ARID4A: variants seen among roughly 807,000 people sequenced by gnomAD.
ARID4A encodes AT-rich interactive domain-containing protein 4A.
Under a neutral mutation model 148.6 loss-of-function variants are expected in ARID4A, and 39 were observed. The observed-to-expected ratio is 0.26, with a 90% CI of 0.20 to 0.34. The LOEUF (loss-of-function observed/expected upper bound fraction) is 0.34, where lower values mean the gene tolerates loss of function less well. Among genes scored for constraint, ARID4A ranks in the 10% least tolerant of loss-of-function variants. The probability of loss-of-function intolerance (pLI) is 1.00; values close to 1 mark genes in which losing one functional copy is unlikely to be tolerated. For missense variants in ARID4A, 1,265 were observed against 1,449.1 expected (o/e 0.87, Z 2.06); for synonymous variants, 475 against 481.2 (o/e 0.99, Z 0.17).
intron 11 of ARID4A, among the ~76,000 whole-genome samples, chr14:58,343,249 T>G (rs928125437): frequency 2.0e-5 from 3 of 152,246 alleles, no homozygotes; most frequent in African/African-American, 7.2e-5. Flanking sequence ...CTGATTTTGG[T>G]TAGAACTTAT....
rs769455560 is a variant in ARID4A, at chr14:58,364,784, A to G, written c.2695A>G (p.Asn899Asp). The G allele has an allele frequency of 6.2e-7, 1 of 1,614,164 alleles. No homozygotes were observed. The highest frequency in any genetic ancestry group is 1.1e-5 in the South Asian group (1 of 91,078). The stretch of plus-strand genomic sequence containing the variant: ...TGGATCTGAGGGAATGAAAAACTTA[A>G]ATTTTGAACAGCACTTTGAAAGAGA... ...CIGSEGMKNL[N>D]FEQHFERENE... The change falls in exon 20 of 24, where the codon AAT becomes GAT. Residue 899 changes from asparagine to aspartate, a missense_variant. By Grantham distance (23) the Asn-to-Asp change is conservative (BLOSUM62 1). Around this residue, in one of 9 missense-constraint regions of ARID4A, gnomAD observed 666 missense variants for 730.9 expected, o/e 0.91. Coordinates refer to ENST00000355431, the MANE Select transcript of ARID4A (RefSeq NM_002892.4).
At chr14:58,344,657 T>G (rs1213570516) in intron 11 of ARID4A, 38 bp from the exon 12 acceptor site, 4 of 1,408,894 alleles carry the variant, frequency 2.8e-6, no homozygotes, top group Middle Eastern at 1.9e-4. Flanking sequence ...TCTTTTCCAG[T>G]TCACTGTGCC....
At chr14:58,305,974 G>T in intron 4 of ARID4A, 48 bp from the exon 5 acceptor site, 1 of 1,357,030 alleles carries the variant, frequency 7.4e-7, no homozygotes, top group Non-Finnish European at 1.1e-6. Context: ...GGAGTGATTT[G>T]GTTTATTTGT....
Position 58,306,057 on chromosome 14 carries a change from A to T in ARID4A, c.219A>T (p.Gly73=), listed in dbSNP as rs1368013321. The T allele has an allele frequency of 1.2e-6, 2 of 1,613,628 alleles. No homozygotes were observed. Among genetic ancestry groups the T allele is most frequent in the Non-Finnish European group, 1.7e-6 (2 of 1,179,802 alleles). Residue 73 remains glycine, a synonymous_variant, in exon 5 of 24, where the codon GGA becomes GGT. Transcript: ENST00000355431. The part of the protein sequence containing the change: ...GAIVETRTSD[G]SFQEAIISKL... ...TTGTTGAAACAAGGACATCTGATGG[A>T]TCTTTTCAGGAAGCTATTATCAGCA... is the stretch of plus-strand genomic sequence containing the variant.
chr14:58,337,251 T>TATATATATATAC (rs2033875391), intron 11 of ARID4A, among the ~76,000 whole-genome samples: 1 of 127,148 alleles, frequency 7.9e-6, no homozygotes, highest in South Asian at 2.4e-4. Context: ...TTTATTTATA[T>TATATATATATAC]ATATATATAT....
At chr14:58,353,578 T>C (rs1594947498) in intron 16 of ARID4A, 80 bp from the exon 17 acceptor site, 1 of 1,248,200 alleles carries the variant, frequency 8.0e-7, no homozygotes, top group Non-Finnish European at 1.1e-6. Context: ...TTGTGAATAA[T>C]CTACCTGTTG....
intron 11 of ARID4A, among the ~76,000 whole-genome samples, chr14:58,336,469 C>A (rs778376213): frequency 2.0e-5 from 3 of 152,172 alleles, no homozygotes; most frequent in Non-Finnish European, 4.4e-5. Context: ...GTTTGCTTTT[C>A]ACTTTAAGTT....
At chr14:58,367,490 C>A (rs1358902033) in intron 23 of ARID4A, among the ~76,000 whole-genome samples, 1 of 152,246 alleles carries the variant, frequency 6.6e-6, no homozygotes, top group Non-Finnish European at 1.5e-5. Context: ...ATGTGCCAGG[C>A]ACTCTGCCAG....
At position 58,312,599 on chromosome 14, in the gene ARID4A, A is replaced by T. The variant is rs538761915; in HGVS notation, c.275-5943A>T. The stretch of plus-strand genomic sequence containing the variant: ...TAAATTTTAAAATGTTTGCTTCATT[A>T]TGTGAAGAATTCTATAATTTTGTTA... On this transcript the variant is annotated intron_variant, in intron 5 of 23. Coordinates refer to ENST00000355431, the MANE Select transcript of ARID4A (RefSeq NM_002892.4). 2.9e-4 allele frequency among the ~76,000 whole-genome samples: 44 copies of T among 152,282 alleles called. 1 individual carries two copies. The highest frequency in any genetic ancestry group is 1.0e-3 in the African/African-American group (43 of 41,556).
chr14:58,353,985 C>T lies in ARID4A; in HGVS notation c.1853+130C>T, dbSNP rs566373462. 6 of 833,842 alleles carry T rather than the reference C, an allele frequency of 7.2e-6. No individual in the cohort carries two copies. In the Admixed American group the frequency reaches 1.4e-4, roughly 19 times the overall value. The allele number at this position is 833,842 out of a possible 1,614,324, so 51.7% of individuals were successfully genotyped here. ...AAAGCACACCTTGGTTCTGAATTTT[C>T]CAAGACTTTGACATTCCTGCTGTTA... On this transcript the variant is annotated intron_variant, in intron 17 of 23. Coordinates refer to ENST00000355431, the MANE Select transcript of ARID4A (RefSeq NM_002892.4).
Position 58,364,526 on chromosome 14 carries a change from G to A in ARID4A, c.2437G>A (p.Gly813Ser). ...SLEIIKISSF[G>S]QNEAGSEPHI... ...AGAAATTATAAAGATTTCATCATTT[G>A]GCCAGAATGAAGCAGGAAGTGAACC... The change falls in exon 20 of 24, where the codon GGC (glycine) becomes AGC (serine). Residue 813 changes from glycine to serine, a missense_variant. Gly to Ser is a moderately conservative substitution (Grantham distance 56). This residue lies in a region of ARID4A where 666 missense variants were observed against 730.9 expected (regional missense o/e 0.91). Coordinates refer to ENST00000355431, the MANE Select transcript of ARID4A (RefSeq NM_002892.4). The A allele has an allele frequency of 1.9e-6, 3 of 1,611,802 alleles. No homozygotes were observed. The highest frequency in any genetic ancestry group is 2.5e-6 in the Non-Finnish European group (3 of 1,179,602).
chr14:58,363,538 A>G (rs984176885), intron 19 of ARID4A, among the ~76,000 whole-genome samples: 5 of 152,016 alleles, frequency 3.3e-5, no homozygotes, highest in Non-Finnish European at 5.9e-5. Flanking sequence ...CATCTCTACT[A>G]AAATACAAAA....
intron 23 of ARID4A, 30 bp from the exon 24 acceptor site, chr14:58,371,856 G>T: frequency 6.5e-7 from 1 of 1,531,750 alleles, no homozygotes; most frequent in Non-Finnish European, 9.0e-7. Context: ...AACAGTTTTT[G>T]GATCTAACAT....
intron 8 of ARID4A, 129 bp from the exon 9 acceptor site, chr14:58,328,108 T>C: frequency 1.5e-6 from 1 of 666,904 alleles, no homozygotes; most frequent in Non-Finnish European, 2.6e-6. Context: ...GAGCTATTTA[T>C]AATGAAGCTG....
rs536017849 is a variant in ARID4A at position 58,317,984 on chromosome 14, A to G, written c.275-558A>G. Reference sequence around the variant, plus strand: ...TCCTGTCTTTATTAAAAAAAAAAAAAGTTTTTTTAAACAGACTACTTACAT... The same window carrying G: ...TCCTGTCTTTATTAAAAAAAAAAAAGGTTTTTTTAAACAGACTACTTACAT... On this transcript the variant is annotated intron_variant, in intron 5 of 23. Coordinates refer to ENST00000355431, the MANE Select transcript of ARID4A (RefSeq NM_002892.4). Among the ~76,000 whole-genome samples the G allele has an allele frequency of 2.0e-5, 3 of 151,972 alleles. No individual in the cohort carries two copies. In the East Asian group the frequency reaches 5.8e-4, roughly 29 times the overall value.
At chr14:58,344,663 G>A (rs2034269733) in intron 11 of ARID4A, 32 bp from the exon 12 acceptor site, 1 of 1,471,570 alleles carries the variant, frequency 6.8e-7, no homozygotes, top group South Asian at 1.2e-5. Context: ...CCAGTTCACT[G>A]TGCCATACAT....
intron 7 of ARID4A, among the ~76,000 whole-genome samples, chr14:58,322,396 T>C (rs188233995): frequency 9.3e-4 from 141 of 152,326 alleles, no homozygotes; most frequent in Admixed American, 3.7e-3. Flanking sequence ...TCCTTCATAC[T>C]TATTTTATAA....
intron 7 of ARID4A, 75 bp from the exon 8 acceptor site, chr14:58,323,410 T>G: frequency 1.3e-6 from 2 of 1,509,090 alleles, no homozygotes; most frequent in South Asian, 2.4e-5. Context: ...TTGAATTGAC[T>G]ATATTAAATT....
rs951980926 is a variant in ARID4A at position 58,301,747 on chromosome 14, A to G, written c.117+57A>G. On this transcript the variant is annotated intron_variant, in intron 3 of 23. Coordinates refer to ENST00000355431, the MANE Select transcript of ARID4A (RefSeq NM_002892.4). The stretch of plus-strand genomic sequence containing the variant: ...AACTCTAGATTGAAGAAATTTGGGG[A>G]GAGAGAGACTGCAAATCAGCATTTT... The G allele has an allele frequency of 6.1e-6, 8 of 1,315,374 alleles. No individual in the cohort carries two copies. The Admixed American group carries it at 1.5e-4, about 25-fold the overall frequency. 81.5% of individuals were successfully genotyped at this position (1,315,374 alleles called of 1,614,324 possible).
Sources: gnomAD v4.1 joint callset for allele counts (sites outside exome capture counted in the v4.1 genomes callset) on GRCh38, gnomAD v4.1.1 for gene constraint, gnomAD v4.1.1 regional missense constraint, MANE v1.5 for transcripts, NCBI Gene and HGNC (gene_info 2026-07-23, HGNC 2026-07-21) for gene names.